Variants in COLGALT2 observed in about 807,000 individuals in gnomAD.
COLGALT2 encodes collagen beta(1-O)galactosyltransferase 2.
A neutral mutation model predicts 73.4 loss-of-function variants in COLGALT2; 49 were observed. The ratio of observed to expected loss-of-function variants is 0.67; its 90% CI spans 0.53 to 0.85. The LOEUF (loss-of-function observed/expected upper bound fraction) is 0.85, where lower values mean the gene tolerates loss of function less well. COLGALT2 is among the 40% of genes least tolerant of loss of function. The pLI is 0.00. For synonymous variants in COLGALT2, 295 were observed against 307.6 expected, an observed-to-expected ratio of 0.96 and a Z score of 0.43; for missense variants, 722 against 790.2, an observed-to-expected ratio of 0.91 and a Z score of 1.03.
intron 1 of COLGALT2, among the ~76,000 whole-genome samples, chr1:183,984,049 T>C (rs1671422883): frequency 6.6e-6 from 1 of 151,914 alleles, no homozygotes; most frequent in Admixed American, 6.6e-5. Context: ...CCAACTAGAG[T>C]GGATTCACAC....
At chr1:183,984,643 A>G (rs1272491337) in intron 1 of COLGALT2, among the ~76,000 whole-genome samples, 2 of 152,050 alleles carry the variant, frequency 1.3e-5, no homozygotes, top group African/African-American at 4.8e-5. Context: ...CTTTCTTTGG[A>G]GCTAGTACCT....
intron 1 of COLGALT2, among the ~76,000 whole-genome samples, chr1:184,033,435 A>G (rs937268083): frequency 1.3e-5 from 2 of 152,222 alleles, no homozygotes; most frequent in Non-Finnish European, 2.9e-5. Flanking sequence ...CATGAAATAG[A>G]TATCTTCCTT....
At chr1:184,031,780 G>A (rs1649516735) in intron 1 of COLGALT2, among the ~76,000 whole-genome samples, 1 of 151,944 alleles carries the variant, frequency 6.6e-6, no homozygotes, top group South Asian at 2.1e-4. Context: ...AATCAGTTTT[G>A]ATACCAAAGT....
In COLGALT2 at chr1:183,936,508, G is replaced by A; in HGVS notation, c.*2253C>T. The A allele has an allele frequency of 3.0e-6, 3 of 1,014,322 alleles. No homozygotes were observed. The highest frequency in any genetic ancestry group is 3.5e-6 in the Non-Finnish European group (3 of 849,400). 62.8% of individuals were successfully genotyped at this position (1,014,322 alleles called of 1,614,324 possible). ...GAGAGTTCTTAAATCTGTCAGACCA[G>A]CTGACAGGGGAACAGGAAAAAAAAA... On this transcript the variant is annotated 3_prime_UTR_variant, in exon 12 of 12. Coordinates refer to ENST00000361927, the MANE Select transcript of COLGALT2 (RefSeq NM_015101.4).
exon 12 of COLGALT2, chr1:183,929,948 T>G: frequency 3.8e-6 from 1 of 265,804 alleles, no homozygotes; most frequent in Non-Finnish European, 7.5e-6. Flanking sequence ...TAACAGCAGC[T>G]CACAGATCCA....
chr1:184,015,075 G>A (rs1202189002), intron 1 of COLGALT2, among the ~76,000 whole-genome samples: 1 of 150,764 alleles, frequency 6.6e-6, no homozygotes, highest in African/African-American at 2.4e-5. Context: ...ATGGATCTGG[G>A]ATTGGGCTTT....
rs765453516 is a variant in COLGALT2, at chr1:183,944,288, A to G, written c.1305T>C (p.Ile435=). ...IDRELEKTLV[I]EDDVRFEHQF... is the part of the protein sequence containing the mutation. ...GATGCTCAAAACGCACATCGTCTTC[A>G]ATTACAAGAGTCTTCTCTAGCTCTC... Residue 435 remains isoleucine, a synonymous_variant, in exon 10 of 12, where the codon ATT becomes ATC. Coordinates refer to ENST00000361927, the MANE Select transcript of COLGALT2 (RefSeq NM_015101.4). 3.7e-6 allele frequency: 6 copies of G among 1,613,872 alleles called. No homozygotes were observed. In the East Asian group the frequency reaches 1.1e-4, roughly 30 times the overall value.
chr1:183,977,374 G>A (rs953280505), intron 2 of COLGALT2, among the ~76,000 whole-genome samples: 1 of 151,898 alleles, frequency 6.6e-6, no homozygotes, highest in African/African-American at 2.4e-5. Context: ...GGGAGGCTGA[G>A]GCAGGAGAAT....
At chr1:183,999,331 T>A (rs550938750) in intron 1 of COLGALT2, among the ~76,000 whole-genome samples, 1 of 152,136 alleles carries the variant, frequency 6.6e-6, no homozygotes, top group South Asian at 2.1e-4. Flanking sequence ...ATGCAGTATC[T>A]TTTTGCTATG....
At chr1:184,008,153 G>T (rs10911487) in intron 1 of COLGALT2, among the ~76,000 whole-genome samples, 11 of 152,264 alleles carry the variant, frequency 7.2e-5, no homozygotes, top group African/African-American at 2.4e-4. Flanking sequence ...CCAAAGACAC[G>T]TGACTTATAC....
At chr1:183,942,133 A>G in intron 10 of COLGALT2, among the ~76,000 whole-genome samples, 1 of 152,120 alleles carries the variant, frequency 6.6e-6, no homozygotes, top group East Asian at 1.9e-4. Flanking sequence ...TATTTTTACT[A>G]GAGACGTGGT....
At chr1:183,958,527 C>T (rs1178650620) in intron 6 of COLGALT2, among the ~76,000 whole-genome samples, 1 of 151,962 alleles carries the variant, frequency 6.6e-6, no homozygotes, top group East Asian at 1.9e-4. Context: ...TCTTCTCTCT[C>T]CTAAAATCTC....
chr1:184,033,740 A>G (rs756199), intron 1 of COLGALT2, among the ~76,000 whole-genome samples: 33,310 of 151,988 alleles, frequency 0.22, 3,822 homozygotes, highest in East Asian at 0.47. Flanking sequence ...ATAACAGGGG[A>G]GTCTGAATGT....
At chr1:183,994,026 CTTTTTTTTTTTTTTT>C (rs869129633) in intron 1 of COLGALT2, among the ~76,000 whole-genome samples, 1 of 70,028 alleles carries the variant, frequency 1.4e-5, no homozygotes, top group African/African-American at 5.8e-5. Flanking sequence ...TCTTGTAATT[CTTTTTTTTTTTTTTT>C]TTTTTTTTTT....
rs1671155959 is a variant in COLGALT2, at chr1:183,975,185, T to C, written c.404A>G (p.His135Arg). The change falls in exon 3 of 12, where the codon CAC (histidine) becomes CGC (arginine). Residue 135 changes from histidine (H) to arginine (R), a missense_variant. Transcript: ENST00000361927. ...ATGGGCAAACCGGGAGGTTGGCCAG[T>C]GCTTTGGTCCAATTTCATCAGGGTA... is the stretch of plus-strand genomic sequence containing the variant. ...ESYPDEIGPK[H>R]WPTSRFAHVM... is the part of the protein sequence containing the mutation. 6.2e-7 allele frequency: 1 copy of C among 1,613,946 alleles called. No homozygotes were observed. Among genetic ancestry groups the C allele is most frequent in the African/African-American group, 1.3e-5 (1 of 74,922 alleles).
In COLGALT2 at chr1:183,937,698, G is replaced by A; in HGVS notation, c.*1063C>T. The stretch of plus-strand genomic sequence containing the variant: ...CACCCACCACTCCCCCGGGTGCCGT[G>A]GAAGTCTGCAACATCTGTTTCTCTG... On this transcript the variant is annotated 3_prime_UTR_variant, in exon 12 of 12. Coordinates refer to ENST00000361927, the MANE Select transcript of COLGALT2 (RefSeq NM_015101.4). 8.1e-6 allele frequency: 8 copies of A among 985,388 alleles called. No individual in the cohort carries two copies. The highest frequency in any genetic ancestry group is 8.4e-6 in the Non-Finnish European group (7 of 829,926). The allele number at this position is 985,388 out of a possible 1,614,324, so 61.0% of individuals were successfully genotyped here.
chr1:183,944,167 C>A (rs1394458872), intron 10 of COLGALT2, 29 bp downstream of exon 10: 1 of 1,595,364 alleles, frequency 6.3e-7, no homozygotes, highest in South Asian at 1.1e-5. Context: ...CCTCTCAGAG[C>A]CCTCTCGTAA....
intron 1 of COLGALT2, among the ~76,000 whole-genome samples, chr1:183,998,632 A>G (rs1178059090): frequency 6.6e-6 from 1 of 152,164 alleles, no homozygotes; most frequent in Non-Finnish European, 1.5e-5. Flanking sequence ...TGGGATTTTT[A>G]TTAGAATTGC....
At chr1:183,984,079 C>T (rs1671423812) in intron 1 of COLGALT2, among the ~76,000 whole-genome samples, 1 of 152,184 alleles carries the variant, frequency 6.6e-6, no homozygotes, top group Admixed American at 6.5e-5. Context: ...CACCTCCACT[C>T]ACTCTCTCTT....
Sources: allele counts gnomAD v4.1 joint callset (sites outside exome capture counted in the v4.1 genomes callset), GRCh38; gene constraint gnomAD v4.1.1; transcripts MANE v1.5; gene names NCBI Gene and HGNC (gene_info 2026-07-23, HGNC 2026-07-21).